The following DAB2IP variants were observed in gnomAD, a reference collection of about 807,000 sequenced individuals.
DAB2IP encodes the protein disabled homolog 2-interacting protein.
A neutral mutation model predicts 107.2 loss-of-function variants in DAB2IP; 28 were observed. That is an observed-to-expected ratio of 0.26 (90% CI 0.19 to 0.36). The LOEUF is 0.36. Ranked by LOEUF, DAB2IP falls within the 10% of genes least tolerant of loss-of-function variation. DAB2IP has a pLI of 1.00. For synonymous variants in DAB2IP, 755 were observed against 706.4 expected (o/e 1.07, Z -1.09); for missense variants, 1,400 against 1,644.7 (o/e 0.85, Z 2.57).
chr9:121,781,226 G>T (rs1835615239), intron 14 of DAB2IP, among the ~76,000 whole-genome samples: 1 of 152,166 alleles, frequency 6.6e-6, no homozygotes, highest in Admixed American at 6.5e-5. Flanking sequence ...GGCCTCTGGG[G>T]CTTTAGGAGC....
intron 2 of DAB2IP, among the ~76,000 whole-genome samples, chr9:121,679,853 CAG>C (rs10668803): frequency 5.4e-4 from 81 of 149,112 alleles, no homozygotes; most frequent in Non-Finnish European, 7.6e-4. Flanking sequence ...TAGGCAAGGA[CAG>C]AGAGAGAGAG....
intron 2 of DAB2IP, among the ~76,000 whole-genome samples, chr9:121,691,054 T>G (rs1371447311): frequency 6.6e-6 from 1 of 152,244 alleles, no homozygotes; most frequent in Admixed American, 6.5e-5. Context: ...CTCCAGCAAG[T>G]CTGCCCAGAT....
intron 1 of DAB2IP, among the ~76,000 whole-genome samples, chr9:121,631,810 G>T (rs1161114237): frequency 1.9e-5 from 2 of 105,994 alleles, no homozygotes; most frequent in Non-Finnish European, 3.6e-5. Context: ...GCAAGACTCC[G>T]TCTAAAAAAA....
intron 1 of DAB2IP, among the ~76,000 whole-genome samples, chr9:121,669,452 C>A (rs1833586169): frequency 6.6e-6 from 1 of 151,974 alleles, no homozygotes; most frequent in Non-Finnish European, 1.5e-5. Context: ...AGAGCACGCA[C>A]CATGGGGCAT....
At chr9:121,656,405 G>A (rs1832974859) in intron 1 of DAB2IP, among the ~76,000 whole-genome samples, 1 of 152,196 alleles carries the variant, frequency 6.6e-6, no homozygotes, top group Admixed American at 6.5e-5. Context: ...AGGTGGGGGG[G>A]TTTTGTGGTT....
At chr9:121,734,519 G>T (rs1473997940) in intron 3 of DAB2IP, among the ~76,000 whole-genome samples, 1 of 152,236 alleles carries the variant, frequency 6.6e-6, no homozygotes, top group African/African-American at 2.4e-5. Flanking sequence ...CACTGGAGAT[G>T]GACATATTCT....
chr9:121,726,275 C>T (rs764933703), intron 3 of DAB2IP, among the ~76,000 whole-genome samples: 64 of 152,220 alleles, frequency 4.2e-4, no homozygotes, highest in Non-Finnish European at 6.2e-4. Flanking sequence ...GGGGAGCTTT[C>T]AGATAGCTGA....
intron 2 of DAB2IP, among the ~76,000 whole-genome samples, chr9:121,686,762 C>T (rs1828901636): frequency 6.6e-6 from 1 of 152,146 alleles, no homozygotes; most frequent in South Asian, 2.1e-4. Flanking sequence ...GTGCCTGGCA[C>T]AAGGCAGCAT....
chr9:121,622,464 C>A (rs577566446), intron 1 of DAB2IP, among the ~76,000 whole-genome samples: 1 of 152,184 alleles, frequency 6.6e-6, no homozygotes, highest in Non-Finnish European at 1.5e-5. Context: ...TGGGGACCTC[C>A]AATACCTGAC....
At chr9:121,657,081 G>A (rs377766475) in intron 1 of DAB2IP, among the ~76,000 whole-genome samples, 14 of 152,226 alleles carry the variant, frequency 9.2e-5, no homozygotes, top group African/African-American at 3.4e-4. Flanking sequence ...ACCTGCCTGG[G>A]ATAGCTCAGG....
At chr9:121,609,869 GA>G (rs933318194) in intron 1 of DAB2IP, among the ~76,000 whole-genome samples, 1 of 152,200 alleles carries the variant, frequency 6.6e-6, no homozygotes, top group African/African-American at 2.4e-5. Flanking sequence ...AGCTCTGCAA[GA>G]ATCCCAGTTT....
intron 1 of DAB2IP, among the ~76,000 whole-genome samples, chr9:121,601,909 C>T (rs75279220): frequency 0.04 from 6,033 of 151,530 alleles, 384 homozygotes; most frequent in African/African-American, 0.14. Flanking sequence ...TGTGTGTGCG[C>T]GTGCGTGTGT....
intron 3 of DAB2IP, among the ~76,000 whole-genome samples, chr9:121,715,010 G>A (rs1333006344): frequency 2.0e-5 from 3 of 152,254 alleles, no homozygotes; most frequent in Non-Finnish European, 4.4e-5. Context: ...CAGGACTGAA[G>A]GTGGTTAAGA....
chr9:121,760,292 C>T lies in DAB2IP; in HGVS notation c.1023C>T (p.Pro341=). 6.2e-7 allele frequency: 1 copy of T among 1,613,904 alleles called. No homozygotes were observed. Among genetic ancestry groups the T allele is most frequent in the Non-Finnish European group, 8.5e-7 (1 of 1,180,036 alleles). ...GCTACCAAACCATCACCATCCTGCCCATGGAGATGTACAAAGAGTTCGCTG... is the reference window on the plus strand; with the variant it reads ...GCTACCAAACCATCACCATCCTGCCTATGGAGATGTACAAAGAGTTCGCTG... Residue 341 remains proline (P), a synonymous_variant, in exon 6 of 16, where the codon CCC becomes CCT. Coordinates refer to ENST00000408936, the Ensembl canonical transcript of DAB2IP. The surrounding 1 kb of genome is among the most constrained non-coding windows in gnomAD (Gnocchi z 5.9).
chr9:121,692,633 C>T (rs1829219090), intron 2 of DAB2IP, among the ~76,000 whole-genome samples: 1 of 152,194 alleles, frequency 6.6e-6, no homozygotes, highest in South Asian at 2.1e-4. Flanking sequence ...GTGGCGATCT[C>T]ACTGGTATGA....
chr9:121,635,788 G>A lies in DAB2IP; in HGVS notation c.41-42890G>A, dbSNP rs188037341. ...CAGCCCCACGCAGAGCCTTAAAGAC[G>A]CAGCCATGGGCATCCCCTGCAGGGC... On this transcript the variant is annotated intron_variant, in intron 1 of 16. Coordinates refer to the DAB2IP transcript ENST00000259371. The surrounding 1 kb of genome is among the most constrained non-coding windows in gnomAD (Gnocchi z 4.3). 9.9e-5 allele frequency among the ~76,000 whole-genome samples: 15 copies of A among 152,068 alleles called. No homozygotes were observed. Among genetic ancestry groups the A allele is most frequent in the East Asian group, 1.9e-4 (1 of 5,142 alleles).
intron 3 of DAB2IP, among the ~76,000 whole-genome samples, chr9:121,719,641 T>G (rs1830813115): frequency 6.6e-6 from 1 of 152,088 alleles, no homozygotes; most frequent in Non-Finnish European, 1.5e-5. Flanking sequence ...TGTGCCAGAT[T>G]AGACTGGGGG....
In DAB2IP at chr9:121,588,258, G is replaced by A. The variant is rs922994590; in HGVS notation, c.40+21030G>A. On this transcript the variant is annotated intron_variant, in intron 1 of 16. Transcript: ENST00000259371. ...CAAGTTGCTTCCAACTTCTGCTTCT[G>A]TCTCAAGAAGAGCCGGCCTCTCCAT... is the stretch of plus-strand genomic sequence containing the variant. 7.9e-5 allele frequency among the ~76,000 whole-genome samples: 12 copies of A among 152,110 alleles called. No individual in the cohort carries two copies. The East Asian group carries it at 2.3e-3, about 30-fold the overall frequency.
Position 121,769,893 on chromosome 9 carries a change from A to G in DAB2IP, c.1900-653A>G, listed in dbSNP as rs144621311. Among the ~76,000 whole-genome samples, 916 of 152,332 alleles carry G rather than the reference A, an allele frequency of 6.0e-3. 9 individuals are homozygous for G. Among genetic ancestry groups the G allele is most frequent in the African/African-American group, 0.021 (876 of 41,574 alleles). ...TTGAAACTCAACTGTTTGCCTCTCA[A>G]TTGCGTGCTCTATTGCCTGCATGAG... On this transcript the variant is annotated intron_variant, in intron 10 of 15. Coordinates refer to ENST00000408936, the Ensembl canonical transcript of DAB2IP.
Sources: gnomAD v4.1 joint callset for allele counts (sites outside exome capture counted in the v4.1 genomes callset) on GRCh38, gnomAD v4.1.1 for gene constraint, Gnocchi (gnomAD v3.1) non-coding constraint, MANE v1.5 for transcripts, NCBI Gene and HGNC (gene_info 2026-07-23, HGNC 2026-07-21) for gene names.